VMP1: variants seen among roughly 807,000 people sequenced by gnomAD.
VMP1 encodes the protein ectopic P-granules autophagy protein 3 homolog.
Under a neutral mutation model 56.0 loss-of-function variants are expected in VMP1, and 11 were observed. The ratio of observed to expected loss-of-function variants is 0.20; its 90% confidence interval spans 0.12 to 0.32. The LOEUF is 0.32. Ranked by LOEUF, VMP1 falls within the 10% of genes least tolerant of loss-of-function variation. The pLI is 1.00. For synonymous variants in VMP1, 149 were observed against 165.0 expected (o/e 0.90, Z 0.74); for missense variants, 296 against 490.3 (o/e 0.60, Z 3.74).
chr17:59,794,046 G>A (rs1235488621), intron 7 of VMP1, among the ~76,000 whole-genome samples: 3 of 150,286 alleles, frequency 2.0e-5, no homozygotes, highest in African/African-American at 4.9e-5. Context: ...CCAGCCTCCC[G>A]AGTAGCTGGG....
At chr17:59,759,868 TTTTTG>T (rs750809123) in intron 5 of VMP1, among the ~76,000 whole-genome samples, 36 of 150,812 alleles carry the variant, frequency 2.4e-4, no homozygotes, top group South Asian at 4.2e-4. Flanking sequence ...ACTGAGGATT[TTTTTG>T]TTTTGTTTTG....
In VMP1 at chr17:59,840,040, C is replaced by G; in HGVS notation, c.*129C>G. 1.6e-6 allele frequency: 2 copies of G among 1,226,770 alleles called. No individual in the cohort carries two copies. Among genetic ancestry groups the G allele is most frequent in the Non-Finnish European group, 2.3e-6 (2 of 882,818 alleles). The allele number at this position is 1,226,770 out of a possible 1,614,324, so 76.0% of individuals were successfully genotyped here. ...ATTTTTACAACTTTTTTCCTGAAAG[C>G]AGTTTAGTCCATACTTTGCACTGAC... On this transcript the variant is annotated 3_prime_UTR_variant, in exon 12 of 12. Transcript: ENST00000262291.
intron 5 of VMP1, among the ~76,000 whole-genome samples, chr17:59,751,822 C>T (rs528943327): frequency 2.0e-5 from 3 of 147,456 alleles, no homozygotes; most frequent in Admixed American, 6.7e-5. Flanking sequence ...CTTTTATCTT[C>T]GTTTCTTTTT....
intron 10 of VMP1, among the ~76,000 whole-genome samples, chr17:59,832,761 A>ATT (rs71145580): frequency 0.13 from 12,663 of 101,262 alleles, 1,062 homozygotes; most frequent in African/African-American, 0.23. Context: ...GCCTGGCAAT[A>ATT]TTTTTTTTTT....
intron 5 of VMP1, among the ~76,000 whole-genome samples, chr17:59,750,926 CTTTTTTTTT>C (rs35948198): frequency 1.1e-5 from 1 of 91,008 alleles, no homozygotes; most frequent in African/African-American, 4.9e-5. Context: ...AAGATAGCAC[CTTTTTTTTT>C]TTTTTTTTTT....
chr17:59,812,597 A>T (rs932512331), intron 9 of VMP1, among the ~76,000 whole-genome samples: 1 of 152,260 alleles, frequency 6.6e-6, no homozygotes, highest in Non-Finnish European at 1.5e-5. Flanking sequence ...AATTTGTTTT[A>T]TATCAGTATG....
At chr17:59,747,218 G>A (rs755138867) in intron 5 of VMP1, among the ~76,000 whole-genome samples, 1 of 152,118 alleles carries the variant, frequency 6.6e-6, no homozygotes, top group Non-Finnish European at 1.5e-5. Flanking sequence ...TAAGTAAAAA[G>A]AGCATTTCTT....
chr17:59,836,890 A>G (rs1212900672), intron 10 of VMP1, among the ~76,000 whole-genome samples: 1 of 152,128 alleles, frequency 6.6e-6, no homozygotes, highest in Non-Finnish European at 1.5e-5. Context: ...TATAAAAAGC[A>G]GCAAGGAATT....
chr17:59,726,366 T>G lies in VMP1; in HGVS notation c.-26-5055T>G, dbSNP rs190531210. 4.2e-3 allele frequency among the ~76,000 whole-genome samples: 633 copies of G among 152,086 alleles called. 2 individuals are homozygous for G. Among genetic ancestry groups the G allele is most frequent in the African/African-American group, 0.015 (606 of 41,538 alleles). ...TGGAGTGCAGTGGTGCAATCTCGGC[T>G]CCCTGCGACCTCCACCTCCTGGGTT... On this transcript the variant is annotated intron_variant, in intron 1 of 11. Transcript: ENST00000262291.
chr17:59,808,467 T>C (rs7214032), intron 7 of VMP1, among the ~76,000 whole-genome samples: 19,611 of 152,220 alleles, frequency 0.13, 1,518 homozygotes, highest in Middle Eastern at 0.22. Context: ...AAGGTAGATG[T>C]TGTAGGCCAG....
chr17:59,836,736 C>CT (rs2038994628), intron 10 of VMP1, among the ~76,000 whole-genome samples: 1 of 128,324 alleles, frequency 7.8e-6, no homozygotes, highest in Non-Finnish European at 1.7e-5. Flanking sequence ...TTTTTTTTGG[C>CT]TTTTTTCCCA....
At chr17:59,801,724 A>C (rs2037673069) in intron 7 of VMP1, among the ~76,000 whole-genome samples, 1 of 152,060 alleles carries the variant, frequency 6.6e-6, no homozygotes, top group Non-Finnish European at 1.5e-5. Flanking sequence ...GTGAAACCCC[A>C]TCTCTACTAC....
intron 3 of VMP1, 33 bp from the exon 4 acceptor site, chr17:59,737,420 G>A (rs769960034): frequency 7.6e-6 from 12 of 1,586,482 alleles, no homozygotes; most frequent in Admixed American, 3.5e-5. Context: ...AAGTGAGACT[G>A]TGAGATATTT....
chr17:59,727,681 A>G (rs1439101574), intron 1 of VMP1, among the ~76,000 whole-genome samples: 1 of 152,192 alleles, frequency 6.6e-6, no homozygotes, highest in African/African-American at 2.4e-5. Flanking sequence ...ATACAATAAC[A>G]ATGAGGCATG....
chr17:59,814,039 G>A (rs1157496656), intron 9 of VMP1, among the ~76,000 whole-genome samples: 1 of 151,970 alleles, frequency 6.6e-6, no homozygotes, highest in African/African-American at 2.4e-5. Context: ...AGAGTGTGGT[G>A]GCGTGATTTC....
intron 1 of VMP1, among the ~76,000 whole-genome samples, chr17:59,723,984 G>C (rs2034493598): frequency 6.6e-6 from 1 of 152,172 alleles, no homozygotes; most frequent in Non-Finnish European, 1.5e-5. Flanking sequence ...GGCCAAGGCA[G>C]GGGGATCACT....
chr17:59,774,004 AAAG>A, intron 7 of VMP1, 119 bp downstream of exon 7: 1 of 1,014,078 alleles, frequency 9.9e-7, no homozygotes, highest in Non-Finnish European at 1.3e-6. Context: ...AAAAAAAAAG[AAAG>A]AAAAATATTG....
intron 10 of VMP1, among the ~76,000 whole-genome samples, chr17:59,828,718 A>G (rs1318818202): frequency 6.6e-6 from 1 of 152,194 alleles, no homozygotes; most frequent in Non-Finnish European, 1.5e-5. Context: ...CCATTCCAAG[A>G]TCCTGGATGT....
At chr17:59,835,613 C>T (rs1309277793) in intron 10 of VMP1, among the ~76,000 whole-genome samples, 3 of 151,242 alleles carry the variant, frequency 2.0e-5, no homozygotes, top group Admixed American at 6.6e-5. Context: ...GCCTCAGCCT[C>T]ACTAGTAGTG....
Sources: gnomAD v4.1 joint callset for allele counts (sites outside exome capture counted in the v4.1 genomes callset) on GRCh38, gnomAD v4.1.1 for gene constraint, MANE v1.5 for transcripts, NCBI Gene and HGNC (gene_info 2026-07-23, HGNC 2026-07-21) for gene names.